LOXHD1: variants seen among roughly 807,000 people sequenced by gnomAD.
The protein encoded by LOXHD1 is lipoxygenase homology domain-containing protein 1.
LOXHD1 carries 205 observed loss-of-function variants against 248.2 expected under a neutral mutation model. The ratio of observed to expected loss-of-function variants is 0.83; its 90% CI spans 0.74 to 0.93. The LOEUF (loss-of-function observed/expected upper bound fraction) is 0.93, where lower values mean the gene tolerates loss of function less well. LOXHD1 is among the 40% of genes least tolerant of loss of function. The probability of loss-of-function intolerance (pLI) is 0.00; values close to 1 mark genes in which losing one functional copy is unlikely to be tolerated. For missense variants in LOXHD1, 2,930 were observed against 2,971.6 expected (o/e 0.99, Z 0.33); for synonymous variants, 1,113 against 1,162.8 (o/e 0.96, Z 0.87).
intron 22 of LOXHD1, among the ~76,000 whole-genome samples, chr18:46,546,158 A>G (rs2036814086): frequency 6.6e-6 from 1 of 151,744 alleles, no homozygotes; most frequent in Admixed American, 6.6e-5. Flanking sequence ...AGGGATGCAT[A>G]TTTCAGGGGA....
intron 18 of LOXHD1, among the ~76,000 whole-genome samples, chr18:46,560,852 A>ACGCG (rs34336210): frequency 2.2e-4 from 33 of 151,490 alleles, no homozygotes; most frequent in Admixed American, 1.6e-3. Context: ...ACACACACGC[A>ACGCG]CGCGCGCGCG....
chr18:46,543,192 C>T (rs2036639459), intron 23 of LOXHD1, among the ~76,000 whole-genome samples: 1 of 152,088 alleles, frequency 6.6e-6, no homozygotes, highest in African/African-American at 2.4e-5. Flanking sequence ...AATGAGTCCC[C>T]ACAGTCCATT....
chr18:46,578,652 A>T (rs1204674342), intron 13 of LOXHD1, among the ~76,000 whole-genome samples: 1 of 152,096 alleles, frequency 6.6e-6, no homozygotes, highest in African/African-American at 2.4e-5. Context: ...GCTTTCCCTG[A>T]CCTCACCAAG....
chr18:46,567,512 T>C (rs1376283761), intron 16 of LOXHD1, among the ~76,000 whole-genome samples: 2 of 152,210 alleles, frequency 1.3e-5, no homozygotes, highest in African/African-American at 4.8e-5. Context: ...TTGTTGTTCT[T>C]CTGTGGTGCC....
chr18:46,494,509 A>G (rs984753261), intron 37 of LOXHD1, among the ~76,000 whole-genome samples: 3 of 152,216 alleles, frequency 2.0e-5, no homozygotes, highest in Non-Finnish European at 4.4e-5. Context: ...AAGATATGGA[A>G]CCATCACAGA....
chr18:46,579,032 GAGGCTAGC>G (rs1442574657), intron 13 of LOXHD1, among the ~76,000 whole-genome samples: 1 of 152,264 alleles, frequency 6.6e-6, no homozygotes, highest in Non-Finnish European at 1.5e-5. Context: ...CAACTGTAAT[GAGGCTAGC>G]AACAGAAGCA....
intron 25 of LOXHD1, among the ~76,000 whole-genome samples, chr18:46,541,015 A>C (rs1466978560): frequency 1.3e-5 from 2 of 152,210 alleles, no homozygotes; most frequent in African/African-American, 4.8e-5. Context: ...TTTAGTTAGA[A>C]AAAATTATAT....
chr18:46,602,595 C>T (rs1599041772), intron 7 of LOXHD1, among the ~76,000 whole-genome samples: 1 of 152,196 alleles, frequency 6.6e-6, no homozygotes, highest in African/African-American at 2.4e-5. Context: ...TACCATACCC[C>T]ACACTCTTAT....
At chr18:46,597,131 A>G (rs2038268220) in intron 8 of LOXHD1, among the ~76,000 whole-genome samples, 1 of 152,198 alleles carries the variant, frequency 6.6e-6, no homozygotes, top group African/African-American at 2.4e-5. Flanking sequence ...TAGGCAAAAA[A>G]ATAGCATGCA....
At chr18:46,559,017 T>C (rs1214825145) in intron 20 of LOXHD1, 2 of 638,040 alleles carry the variant, frequency 3.1e-6, no homozygotes, top group Non-Finnish European at 5.0e-6. Flanking sequence ...GCTCATGTGG[T>C]TCCATCTTCT....
intron 39 of LOXHD1, among the ~76,000 whole-genome samples, chr18:46,484,632 G>A (rs2032880206): frequency 1.3e-5 from 2 of 152,220 alleles, no homozygotes; most frequent in South Asian, 4.1e-4. Flanking sequence ...AGAGAAAGAT[G>A]TAGCAGAGTT....
intron 36 of LOXHD1, among the ~76,000 whole-genome samples, chr18:46,506,770 T>C (rs1303463401): frequency 6.6e-6 from 1 of 152,210 alleles, no homozygotes; most frequent in African/African-American, 2.4e-5. Flanking sequence ...GCAAGAGGCT[T>C]CTCTGTTGAA....
At chr18:46,606,892 G>A (rs749811734) in intron 6 of LOXHD1, among the ~76,000 whole-genome samples, 3 of 151,908 alleles carry the variant, frequency 2.0e-5, no homozygotes, top group Non-Finnish European at 4.4e-5. Flanking sequence ...GTAGCCAGGC[G>A]TGGTGGCTCA....
At position 46,529,184 on chromosome 18, in the gene LOXHD1, C is replaced by A; in HGVS notation, c.4523G>T (p.Arg1508Ile). ...KSENRTNKFE[R>I]GTADTFIIEA... ...TCCGTGTGCCCCTCATACCGTTCCT[C>A]TCTCGAACTTGTTGGTCCGGTTCTC... is the stretch of plus-strand genomic sequence containing the variant. The change falls in exon 29 of 41, where the codon AGA (arginine) becomes ATA (isoleucine). Residue 1508 changes from arginine (R) to isoleucine (I), a missense_variant. Coordinates refer to ENST00000642948, the MANE Select transcript of LOXHD1 (RefSeq NM_001384474.1). 1.3e-6 allele frequency: 2 copies of A among 1,551,572 alleles called. No homozygotes were observed. Among genetic ancestry groups the A allele is most frequent in the Non-Finnish European group, 1.7e-6 (2 of 1,146,968 alleles).
chr18:46,520,055 C>T (rs1050753924), intron 33 of LOXHD1, among the ~76,000 whole-genome samples: 3 of 152,144 alleles, frequency 2.0e-5, no homozygotes, highest in East Asian at 1.9e-4. Context: ...GTGGGTCAGG[C>T]GGAGGTCCCT....
rs181181670 is a variant in LOXHD1, at chr18:46,551,806, G to A, written c.3351-4748C>T. ...TGACCCAAGGGAGACCTCAGATCCC[G>A]GGACACCCCATTAAAATCCATCTAA... On this transcript the variant is annotated intron_variant, in intron 21 of 40. Transcript: ENST00000642948. 1.8e-4 allele frequency among the ~76,000 whole-genome samples: 28 copies of A among 152,258 alleles called. No homozygotes were observed. In the East Asian group the frequency reaches 3.9e-3, roughly 21 times the overall value.
chr18:46,521,063 G>A, intron 33 of LOXHD1, 34 bp downstream of exon 33: 2 of 1,546,308 alleles, frequency 1.3e-6, no homozygotes, highest in Non-Finnish European at 8.7e-7. Context: ...CACTGCCCTG[G>A]CCATGCACTG....
intron 34 of LOXHD1, 62 bp from the exon 35 acceptor site, chr18:46,509,877 G>GC: frequency 9.8e-5 from 54 of 551,686 alleles, no homozygotes; most frequent in East Asian, 2.7e-4. Flanking sequence ...GTTGGGGTGG[G>GC]CCAGGCCAGA....
chr18:46,593,863 C>G, intron 9 of LOXHD1, 103 bp from the exon 10 acceptor site: 1 of 1,249,892 alleles, frequency 8.0e-7, no homozygotes, highest in East Asian at 2.5e-5. Flanking sequence ...GACTGAAGGG[C>G]GGGGTATACA....
Sources: gnomAD v4.1 joint callset for allele counts (sites outside exome capture counted in the v4.1 genomes callset) on GRCh38, gnomAD v4.1.1 for gene constraint, MANE v1.5 for transcripts, NCBI Gene and HGNC (gene_info 2026-07-23, HGNC 2026-07-21) for gene names.